SLFN12L: variants seen among roughly 807,000 people sequenced by gnomAD.
The protein encoded by SLFN12L is schlafen family member 12 like.
In SLFN12L, 34 loss-of-function variants were observed where a neutral mutation model predicts 34.8. The ratio of observed to expected loss-of-function variants is 0.98; its 90% CI spans 0.74 to 1.30. The LOEUF (loss-of-function observed/expected upper bound fraction) is 1.30, where lower values mean the gene tolerates loss of function less well. SLFN12L is among the 50% of genes most tolerant of loss of function. SLFN12L has a pLI of 0.00. For synonymous variants in SLFN12L, 259 were observed against 247.5 expected (o/e 1.05, Z -0.44); for missense variants, 703 against 696.2 (o/e 1.01, Z -0.11).
At position 35,475,569 on chromosome 17, in the gene SLFN12L, A is replaced by T; in HGVS notation, c.1277-84T>A. ...GATACAAAGCAGCTTGTATTAGATT[A>T]ATTCTCCCACCAAAAGCAACTATAA... On this transcript the variant is annotated intron_variant, in intron 4 of 4. Transcript: ENST00000628453. 6.2e-6 allele frequency: 9 copies of T among 1,452,976 alleles called. No homozygotes were observed. The South Asian group carries it at 7.6e-5, about 12-fold the overall frequency. 90.0% of individuals were successfully genotyped at this position (1,452,976 alleles called of 1,614,324 possible).
intron 2 of SLFN12L, among the ~76,000 whole-genome samples, chr17:35,495,657 G>A (rs1290425882): frequency 3.3e-5 from 5 of 150,964 alleles, no homozygotes; most frequent in Admixed American, 2.6e-4. Flanking sequence ...GCTTCGGCCC[G>A]CGCCCACCTC....
At position 35,479,240 on chromosome 17, in the gene SLFN12L, T is replaced by C. The variant is rs1914176242; in HGVS notation, c.1042A>G (p.Arg348Gly). ...ACTGCACAGCAGAAGCGTTCCACTC[T>C]GAGTGCATACACATATCCACAAAGC... ...GRLCGYVYALRVERFCCAVFA... is the reference protein window; with the variant it reads ...GRLCGYVYALGVERFCCAVFA... Residue 348 changes from arginine (R) to glycine (G), a missense_variant, in exon 3 of 5, where the codon AGA becomes GGA. Transcript: ENST00000628453. The C allele has an allele frequency of 6.3e-7, 1 of 1,593,172 alleles. No individual in the cohort carries two copies. Among genetic ancestry groups the C allele is most frequent in the South Asian group, 1.1e-5 (1 of 88,450 alleles).
intron 2 of SLFN12L, among the ~76,000 whole-genome samples, chr17:35,508,191 C>T (rs74498733): frequency 0.013 from 1,908 of 152,284 alleles, 47 homozygotes; most frequent in African/African-American, 0.043. Flanking sequence ...CAATCAATCA[C>T]GACCCTTTCA....
At chr17:35,492,058 T>C (rs375734793) in intron 2 of SLFN12L, among the ~76,000 whole-genome samples, 47 of 152,342 alleles carry the variant, frequency 3.1e-4, no homozygotes, top group African/African-American at 1.1e-3. Context: ...TTTTTATTTT[T>C]TTAGCTGCCA....
chr17:35,522,551 C>A lies in SLFN12L; in HGVS notation c.-187G>T. On this transcript the variant is annotated 5_prime_UTR_variant, in exon 2 of 5. Transcript: ENST00000628453. Reference sequence around the variant, plus strand: ...GCAAGACAATCACGAGGGACTGCAGCAGGGCTTCCAATGTGCTGGGTGCCT... The same window carrying A: ...GCAAGACAATCACGAGGGACTGCAGAAGGGCTTCCAATGTGCTGGGTGCCT... 6.2e-7 allele frequency: 1 copy of A among 1,610,374 alleles called. No individual in the cohort carries two copies. The highest frequency in any genetic ancestry group is 2.2e-5 in the East Asian group (1 of 44,888).
At position 35,479,511 on chromosome 17, in the gene SLFN12L, TA is replaced by T. The variant is rs762436597; in HGVS notation, c.770del (p.Leu257TyrfsTer27). The T allele has an allele frequency of 1.2e-6, 2 of 1,614,194 alleles. No individual in the cohort carries two copies. The highest frequency in any genetic ancestry group is 1.7e-6 in the Non-Finnish European group (2 of 1,180,032). On this transcript the variant is annotated frameshift_variant, in exon 3 of 5. Coordinates refer to ENST00000628453, the MANE Select transcript of SLFN12L (RefSeq NM_001363830.2). LOFTEE classifies it high-confidence loss of function. ...EIKNFSTEKL[L>X]QRITEILPQY... ...GAGGGAGAATCTCTGTAATTCGTTG[TA>T]ACAACTTTTCAGTCGAGAAGTTTTT...
chr17:35,475,203 A>T lies in SLFN12L; in HGVS notation c.1559T>A (p.Leu520Ter). 2 of 1,614,184 alleles carry T rather than the reference A, an allele frequency of 1.2e-6. No individual in the cohort carries two copies. Among genetic ancestry groups the T allele is most frequent in the South Asian group, 2.2e-5 (2 of 91,086 alleles). ...KDYSTQTAQTLKQKLAKIGGY... is the reference protein window; with the variant it reads ...KDYSTQTAQT Reference sequence around the variant, plus strand: ...ACCAATTTTTGCCAGCTTCTGTTTTAAAGTTTGGGCAGTTTGTGTAGAATA... The same window carrying T: ...ACCAATTTTTGCCAGCTTCTGTTTTTAAGTTTGGGCAGTTTGTGTAGAATA... Residue 520 changes from leucine (L) to a stop codon, truncating the protein, a stop_gained, in exon 5 of 5, where the codon TTA (leucine) becomes TAA (stop). Coordinates refer to ENST00000628453, the MANE Select transcript of SLFN12L (RefSeq NM_001363830.2). LOFTEE classifies it low-confidence loss of function (END_TRUNC).
intron 2 of SLFN12L, among the ~76,000 whole-genome samples, chr17:35,514,181 G>A (rs974136809): frequency 6.6e-6 from 1 of 152,184 alleles, no homozygotes; most frequent in Non-Finnish European, 1.5e-5. Context: ...AATGCAAGGA[G>A]ATAATTGCTT....
In SLFN12L at chr17:35,495,643, A is replaced by G. The variant is rs184600335; in HGVS notation, c.87-15448T>C. Among the ~76,000 whole-genome samples, 1,002 of 151,672 alleles carry G rather than the reference A, an allele frequency of 6.6e-3. 4 individuals carry two copies. The highest frequency in any genetic ancestry group is 0.027 in the South Asian group (130 of 4,802). ...CTCCCCGGGGTGGGTTGCGGCGCTC[A>G]GAAGCTTCGGCCCGCGCCCACCTCC... On this transcript the variant is annotated intron_variant, in intron 2 of 4. Transcript: ENST00000628453.
Position 35,468,720 on chromosome 17 carries a change from T to C in SLFN12L, c.*6203A>G, listed in dbSNP as rs1394942729. ...ATAGTAGTTACCACTACCTACGTCA[T>C]TCTAAGAATTAATGGAGGGCCAAGC... On this transcript the variant is annotated 3_prime_UTR_variant, in exon 5 of 5. Transcript: ENST00000628453. 1.3e-5 allele frequency among the ~76,000 whole-genome samples: 2 copies of C among 152,276 alleles called. No homozygotes were observed. Among genetic ancestry groups the C allele is most frequent in the African/African-American group, 4.8e-5 (2 of 41,564 alleles).
At position 35,470,652 on chromosome 17, in the gene SLFN12L, T is replaced by C. The variant is rs1455148461; in HGVS notation, c.*4271A>G. On this transcript the variant is annotated 3_prime_UTR_variant, in exon 5 of 5. Transcript: ENST00000628453. ...TGGAAAGACTCCAAGAGTGTGAACA[T>C]GCTCCCACTGTTTTAAGTTCTTTTT... 2 of 149,732 alleles carry C rather than the reference T, an allele frequency of 1.3e-5. No homozygotes were observed. Among genetic ancestry groups the C allele is most frequent in the Non-Finnish European group, 3.0e-5 (2 of 67,760 alleles). The allele number at this position is 149,732 out of a possible 1,614,324, so 9.3% of individuals were successfully genotyped here.
At chr17:35,499,934 T>A (rs986137767) in intron 2 of SLFN12L, 1 of 156,054 alleles carries the variant, frequency 6.4e-6, no homozygotes. Flanking sequence ...CAGAGTTAAC[T>A]TTCCTTCAGA....
intron 3 of SLFN12L, chr17:35,478,618 A>G (rs1914142814): frequency 6.0e-6 from 1 of 166,610 alleles, no homozygotes; most frequent in African/African-American, 2.4e-5. Context: ...CTTTTCCAAA[A>G]CCAGATAAAA....
At chr17:35,511,578 C>T (rs1426365373) in intron 2 of SLFN12L, among the ~76,000 whole-genome samples, 1 of 58,788 alleles carries the variant, frequency 1.7e-5, no homozygotes, top group Non-Finnish European at 3.7e-5. Context: ...TCTACACACA[C>T]ACACATACAC....
chr17:35,502,472 T>TCC, intron 2 of SLFN12L, among the ~76,000 whole-genome samples: 1 of 141,578 alleles, frequency 7.1e-6, no homozygotes, highest in East Asian at 2.0e-4. Context: ...CACTGAAAAT[T>TCC]CCCTTAACCC....
rs540031857 is a variant in SLFN12L, at chr17:35,534,509, A to G, written c.-606+3064T>C. Among the ~76,000 whole-genome samples, 22 of 152,126 alleles carry G rather than the reference A, an allele frequency of 1.4e-4. No individual in the cohort carries two copies. The South Asian group carries it at 3.5e-3, about 24-fold the overall frequency. On this transcript the variant is annotated intron_variant, in intron 1 of 4. Transcript: ENST00000628453. The stretch of plus-strand genomic sequence containing the variant: ...TTCAGGATATGGTTTCAGCAGCCCA[A>G]ATGAGAACAGATGGTGATGTGGACT...
intron 2 of SLFN12L, among the ~76,000 whole-genome samples, chr17:35,483,906 T>A (rs1010704864): frequency 8.5e-5 from 13 of 152,324 alleles, no homozygotes; most frequent in African/African-American, 3.1e-4. Context: ...TTTCTGATCA[T>A]GTGTAAACAA....
At chr17:35,518,901 A>T (rs1301881795) in intron 2 of SLFN12L, among the ~76,000 whole-genome samples, 1 of 152,248 alleles carries the variant, frequency 6.6e-6, no homozygotes. Context: ...ATGCACACAT[A>T]TGTTTACTGC....
At chr17:35,496,109 T>C (rs1289637038) in intron 2 of SLFN12L, among the ~76,000 whole-genome samples, 1 of 152,088 alleles carries the variant, frequency 6.6e-6, no homozygotes, top group East Asian at 1.9e-4. Context: ...AGAGCAGCCC[T>C]GGGAACTAAG....
Sources: gnomAD v4.1 joint callset for allele counts (sites outside exome capture counted in the v4.1 genomes callset) on GRCh38, gnomAD v4.1.1 for gene constraint, MANE v1.5 for transcripts, NCBI Gene and HGNC (gene_info 2026-07-23, HGNC 2026-07-21) for gene names.